SPMIP2: variants seen among roughly 807,000 people sequenced by gnomAD.
The protein encoded by SPMIP2 is sperm microtubule inner protein 2, also known as protein SPMIP2.
the SPMIP2 span, among the ~76,000 whole-genome samples, chr4:158,923,341 G>A: frequency 6.6e-6 from 1 of 152,094 alleles, no homozygotes; most frequent in Non-Finnish European, 1.5e-5. Flanking sequence ...GATCTATTTA[G>A]GGAAGACTAT....
chr4:158,898,518 C>T, the SPMIP2 span, among the ~76,000 whole-genome samples: 1 of 152,116 alleles, frequency 6.6e-6, no homozygotes, highest in Non-Finnish European at 1.5e-5. Flanking sequence ...TTTCCTTGAG[C>T]AGTGGTTTGC....
chr4:159,081,580 A>G, the SPMIP2 span, among the ~76,000 whole-genome samples: 1 of 151,938 alleles, frequency 6.6e-6, no homozygotes. Flanking sequence ...AGTCCTAGCT[A>G]CTTCGGAGGC....
chr4:159,039,966 A>C, the SPMIP2 span, among the ~76,000 whole-genome samples: 1 of 152,256 alleles, frequency 6.6e-6, no homozygotes, highest in Non-Finnish European at 1.5e-5. Flanking sequence ...ATTATATAGC[A>C]GAGATATATC....
chr4:158,985,207 A>C, the SPMIP2 span, among the ~76,000 whole-genome samples: 1 of 144,820 alleles, frequency 6.9e-6, no homozygotes, highest in Non-Finnish European at 1.5e-5. Context: ...CAGAGGTACA[A>C]GGAGGAACTG....
At chr4:158,975,849 G>A in the SPMIP2 span, among the ~76,000 whole-genome samples, 1 of 152,180 alleles carries the variant, frequency 6.6e-6, no homozygotes, top group Non-Finnish European at 1.5e-5. Context: ...GTCAATGGTA[G>A]CTTGATGGGG....
At chr4:158,960,004 C>G in the SPMIP2 span, among the ~76,000 whole-genome samples, 1 of 152,022 alleles carries the variant, frequency 6.6e-6, no homozygotes. Context: ...ATCCAGTTGC[C>G]ATTCTTCATA....
chr4:158,901,128 ATTTTTTT>A, the SPMIP2 span, among the ~76,000 whole-genome samples: 4 of 112,302 alleles, frequency 3.6e-5, no homozygotes, highest in African/African-American at 1.5e-4. Flanking sequence ...CTGGGTTGAA[ATTTTTTT>A]TTTTTTTTTT....
the SPMIP2 span, among the ~76,000 whole-genome samples, chr4:159,066,425 C>CA: frequency 6.6e-6 from 1 of 151,844 alleles, no homozygotes; most frequent in Admixed American, 6.6e-5. Flanking sequence ...TCACGCAAGA[C>CA]AGAGAGCTAA....
At chr4:159,009,137 C>CTTG in the SPMIP2 span, among the ~76,000 whole-genome samples, 1 of 152,208 alleles carries the variant, frequency 6.6e-6, no homozygotes, top group Admixed American at 6.5e-5. Context: ...TTGGTTCTCT[C>CTTG]AAGAAGGTAC....
chr4:158,926,175 TTTCTA>T, the SPMIP2 span, among the ~76,000 whole-genome samples: 2 of 152,204 alleles, frequency 1.3e-5, no homozygotes, highest in African/African-American at 4.8e-5. Context: ...CCTGATTGCT[TTTCTA>T]TTCTTTATCT....
the SPMIP2 span, among the ~76,000 whole-genome samples, chr4:158,950,195 C>A: frequency 6.6e-6 from 1 of 152,224 alleles, no homozygotes; most frequent in Non-Finnish European, 1.5e-5. Context: ...GACATTAGAT[C>A]AGAGGCATGT....
chr4:159,023,480 T>C, the SPMIP2 span, among the ~76,000 whole-genome samples: 1 of 152,178 alleles, frequency 6.6e-6, no homozygotes, highest in Non-Finnish European at 1.5e-5. Context: ...TTGGTTCTGC[T>C]TCTCTAGAGG....
the SPMIP2 span, among the ~76,000 whole-genome samples, chr4:158,933,764 A>T: frequency 6.6e-6 from 1 of 151,762 alleles, no homozygotes; most frequent in African/African-American, 2.4e-5. Context: ...TTCCTTTACC[A>T]TTGGTATTTT....
chr4:158,933,765 T>C, the SPMIP2 span, among the ~76,000 whole-genome samples: 3 of 152,218 alleles, frequency 2.0e-5, no homozygotes, highest in Non-Finnish European at 4.4e-5. Context: ...TCCTTTACCA[T>C]TGGTATTTTC....
At chr4:158,990,585 G>A in the SPMIP2 span, among the ~76,000 whole-genome samples, 9 of 152,114 alleles carry the variant, frequency 5.9e-5, no homozygotes, top group Admixed American at 6.5e-5. Context: ...TTCTTTGCAG[G>A]GACATGGATG....
chr4:159,063,550 A>AAATAAAT, the SPMIP2 span, among the ~76,000 whole-genome samples: 1 of 148,542 alleles, frequency 6.7e-6, no homozygotes, highest in Non-Finnish European at 1.5e-5. Flanking sequence ...ATCCTGTCTC[A>AAATAAAT]AAATAAATAA....
the SPMIP2 span, among the ~76,000 whole-genome samples, chr4:158,989,900 A>G: frequency 6.6e-6 from 1 of 152,240 alleles, no homozygotes; most frequent in Non-Finnish European, 1.5e-5. Context: ...ATTAAACTAA[A>G]GAGCTTCTGC....
the SPMIP2 span, among the ~76,000 whole-genome samples, chr4:158,967,659 G>T: frequency 6.6e-6 from 1 of 152,178 alleles, no homozygotes; most frequent in African/African-American, 2.4e-5. Flanking sequence ...ACTCAAAACT[G>T]GTGGCTATTT....
At chr4:159,017,407 C>T in the SPMIP2 span, among the ~76,000 whole-genome samples, 1 of 150,922 alleles carries the variant, frequency 6.6e-6, no homozygotes, top group Non-Finnish European at 1.5e-5. Context: ...ACTTCTCAAG[C>T]CCCTGCAAAT....
Sources: gnomAD v4.1 joint callset for allele counts (sites outside exome capture counted in the v4.1 genomes callset) on GRCh38, gnomAD v4.1.1 for gene constraint, MANE v1.5 for transcripts, NCBI Gene and HGNC (gene_info 2026-07-23, HGNC 2026-07-21) for gene names.